The following PRDM11 variants were observed in gnomAD, a reference collection of about 807,000 sequenced individuals.
The protein encoded by PRDM11 is PR/SET domain 11, also known as PR domain-containing protein 11.
Under a neutral mutation model 97.8 loss-of-function variants are expected in PRDM11, and 20 were observed. The observed-to-expected ratio is 0.20, with a 90% CI of 0.14 to 0.30. The LOEUF is 0.30. Ranked by LOEUF, PRDM11 falls within the 10% of genes least tolerant of loss-of-function variation. The pLI, the probability that PRDM11 is intolerant of heterozygous loss-of-function variation, is 1.00. For missense variants in PRDM11, 1,139 were observed against 1,555.2 expected, an observed-to-expected ratio of 0.73 and a Z score of 4.50; for synonymous variants, 599 against 637.7, an observed-to-expected ratio of 0.94 and a Z score of 0.91.
intron 6 of PRDM11, among the ~76,000 whole-genome samples, chr11:45,223,145 A>G (rs918279379): frequency 6.6e-6 from 1 of 152,154 alleles, no homozygotes; most frequent in African/African-American, 2.4e-5. Flanking sequence ...GCGAAACCCT[A>G]TCTCCACAAA....
intron 4 of PRDM11, among the ~76,000 whole-genome samples, chr11:45,201,091 T>G (rs1243635449): frequency 6.6e-6 from 1 of 152,150 alleles, no homozygotes; most frequent in African/African-American, 2.4e-5. Flanking sequence ...TCACTGAATG[T>G]GCAATTGGGA....
chr11:45,225,882 G>C (rs1198624103), intron 7 of PRDM11, 113 bp from the exon 8 acceptor site: 2 of 1,311,706 alleles, frequency 1.5e-6, no homozygotes, highest in African/African-American at 1.5e-5. Context: ...GGCTTCCACG[G>C]ACTTCTGTTT....
At chr11:45,174,567 A>C (rs1008122610) in intron 1 of PRDM11, among the ~76,000 whole-genome samples, 38 of 152,316 alleles carry the variant, frequency 2.5e-4, no homozygotes, top group African/African-American at 7.9e-4. Flanking sequence ...TCGTTCATCA[A>C]ATATGCATCA....
At chr11:45,181,985 C>A in intron 2 of PRDM11, 100 bp downstream of exon 2, 1 of 1,112,936 alleles carries the variant, frequency 9.0e-7, no homozygotes, top group Non-Finnish European at 1.3e-6. Context: ...ACTCCTTGCC[C>A]ACCTTCCCTA....
chr11:45,189,200 C>T (rs988025326), intron 4 of PRDM11, among the ~76,000 whole-genome samples: 2 of 152,178 alleles, frequency 1.3e-5, no homozygotes, highest in African/African-American at 2.4e-5. Flanking sequence ...CACACCCGGC[C>T]GCGAGCACAG....
intron 1 of PRDM11, among the ~76,000 whole-genome samples, chr11:45,149,388 G>A (rs755232100): frequency 7.9e-5 from 12 of 152,168 alleles, no homozygotes; most frequent in Non-Finnish European, 1.5e-4. Flanking sequence ...TCCATACCCC[G>A]ATCTCTCCTA....
chr11:45,226,018 C>G lies in PRDM11; in HGVS notation c.1393C>G (p.Pro465Ala). The change falls in exon 8 of 8, where the codon CCC becomes GCC. Residue 465 changes from proline (P) to alanine (A), a missense_variant. Pro to Ala is a conservative substitution (Grantham distance 27). Around this residue, in one of 2 missense-constraint regions of PRDM11, gnomAD observed 710 missense variants for 1,044.9 expected, o/e 0.68. Transcript: ENST00000683152. ...PAASESMVSG[P>A]AIMEDDDQEV... Reference sequence around the variant, plus strand: ...AGCCTCAGAAAGCATGGTCTCCGGCCCCGCCATCATGGAGGATGATGACCA... The same window carrying G: ...AGCCTCAGAAAGCATGGTCTCCGGCGCCGCCATCATGGAGGATGATGACCA... The G allele has an allele frequency of 2.7e-6, 4 of 1,507,352 alleles. No homozygotes were observed. The highest frequency in any genetic ancestry group is 3.6e-6 in the Non-Finnish European group (4 of 1,126,200). 93.4% of individuals were successfully genotyped at this position (1,507,352 alleles called of 1,614,324 possible).
intron 4 of PRDM11, among the ~76,000 whole-genome samples, chr11:45,189,389 TATA>T (rs72012479): frequency 0.099 from 15,140 of 152,210 alleles, 1,102 homozygotes; most frequent in Admixed American, 0.24. Flanking sequence ...AAATGCATAC[TATA>T]ATGACCTCTA....
At chr11:45,128,516 C>G (rs73464558) in intron 1 of PRDM11, among the ~76,000 whole-genome samples, 3 of 151,028 alleles carry the variant, frequency 2.0e-5, no homozygotes, top group Non-Finnish European at 4.4e-5. Flanking sequence ...CCCCTCCCCC[C>G]GCTGATATCA....
chr11:45,182,734 C>A, intron 3 of PRDM11, 127 bp from the exon 4 acceptor site: 1 of 1,192,694 alleles, frequency 8.4e-7, no homozygotes, highest in Non-Finnish European at 1.2e-6. Context: ...GTTATTGCTA[C>A]CGATGACCCT....
rs750114813 is a variant in PRDM11 at position 45,226,092 on chromosome 11, G to T, written c.1467G>T (p.Ala489=). 2.0e-6 allele frequency: 3 copies of T among 1,532,026 alleles called. No individual in the cohort carries two copies. In the East Asian group the frequency reaches 7.4e-5, roughly 38 times the overall value. 94.9% of individuals were successfully genotyped at this position (1,532,026 alleles called of 1,614,324 possible). The change falls in exon 8 of 8, where the codon GCG becomes GCT. Residue 489 remains alanine (A), a synonymous_variant. Transcript: ENST00000683152. The part of the protein sequence containing the change: ...DESVSNDMMT[A]TDEPSKMSSA... The stretch of plus-strand genomic sequence containing the variant: ...CTGTCTCCAATGATATGATGACAGC[G>T]ACGGATGAGCCCTCCAAGATGTCAT...
Position 45,139,568 on chromosome 11 carries a change from C to CAAAAA in PRDM11, c.97-42173_97-42169dup, listed in dbSNP as rs10594529. Among the ~76,000 whole-genome samples the CAAAAA allele has an allele frequency of 5.8e-4, 53 of 91,398 alleles. 1 individual carries two copies. Among genetic ancestry groups the CAAAAA allele is most frequent in the African/African-American group, 2.2e-3 (47 of 21,794 alleles). 60.0% of individuals were successfully genotyped at this position (91,398 alleles called of 152,430 possible). ...GGTGACAGGGCGAGACTCCAACTCA[C>CAAAAA]AAAAAAAAAAAAAAAAAAAAAAAAT... On this transcript the variant is annotated intron_variant, in intron 1 of 6. Coordinates refer to the PRDM11 transcript ENST00000530656.
intron 1 of PRDM11, among the ~76,000 whole-genome samples, chr11:45,172,020 G>A (rs1246079283): frequency 6.6e-6 from 1 of 152,166 alleles, no homozygotes; most frequent in Non-Finnish European, 1.5e-5. Context: ...AAGTCCCAGG[G>A]GACTTGTACC....
rs1399950278 is a variant in PRDM11 at position 45,182,294 on chromosome 11, G to A, written c.168G>A (p.Leu56=). The A allele has an allele frequency of 1.9e-6, 3 of 1,614,094 alleles. No homozygotes were observed. Among genetic ancestry groups the A allele is most frequent in the Non-Finnish European group, 2.5e-6 (3 of 1,180,042 alleles). The part of the protein sequence containing the change: ...SSAMEVEPKK[L]KGKRDLIVPK... The stretch of plus-strand genomic sequence containing the variant: ...CCATGGAAGTTGAGCCCAAGAAACT[G>A]AAGGGGAAGCGCGACCTCATCGTGC... The change falls in exon 3 of 8, where the codon CTG becomes CTA. Residue 56 remains leucine (L), a synonymous_variant. Transcript: ENST00000683152.
intron 5 of PRDM11, chr11:45,212,590 A>C (rs1479065714): frequency 2.2e-6 from 1 of 456,204 alleles, no homozygotes; most frequent in Non-Finnish European, 4.4e-6. Context: ...CCTCCTCCTC[A>C]GACCAGTCTG....
intron 5 of PRDM11, among the ~76,000 whole-genome samples, chr11:45,216,472 T>C (rs1026716983): frequency 9.2e-5 from 14 of 151,928 alleles, no homozygotes; most frequent in Non-Finnish European, 1.5e-5. Context: ...GACAGAAGGG[T>C]TCTGGGGGGT....
Position 45,227,984 on chromosome 11 carries a change from A to G in PRDM11, c.3359A>G (p.Asn1120Ser). The change falls in exon 8 of 8, where the codon AAC (asparagine) becomes AGC (serine). Residue 1120 changes from asparagine (N) to serine (S), a missense_variant. By Grantham distance (46) the Asn-to-Ser change is conservative. This residue lies in a region of PRDM11 where 710 missense variants were observed against 1,044.9 expected (regional missense o/e 0.68). Transcript: ENST00000683152. The surrounding 1 kb of genome is among the most constrained non-coding windows in gnomAD (Gnocchi z 8.0). The part of the protein sequence containing the change: ...QLSDLLTIAV[N>S]GPPITNFDAK... ...AGCGACCTGTTGACAATCGCTGTAA[A>G]CGGACCGCCAATCACCAACTTTGAT... 1 of 1,533,780 alleles carries G rather than the reference A, an allele frequency of 6.5e-7. No individual in the cohort carries two copies. Among genetic ancestry groups the G allele is most frequent in the Non-Finnish European group, 8.7e-7 (1 of 1,146,718 alleles).
intron 1 of PRDM11, among the ~76,000 whole-genome samples, chr11:45,136,636 G>A (rs977455807): frequency 2.6e-5 from 4 of 152,198 alleles, no homozygotes; most frequent in East Asian, 3.8e-4. Context: ...TTAGAAGGCC[G>A]AGGTGAGGGC....
intron 5 of PRDM11, chr11:45,213,779 C>G (rs1230157716): frequency 2.2e-6 from 1 of 450,080 alleles, no homozygotes; most frequent in Non-Finnish European, 4.5e-6. Context: ...CTGTATAAGA[C>G]AAATGACACA....
Sources: allele counts gnomAD v4.1 joint callset (sites outside exome capture counted in the v4.1 genomes callset), GRCh38; gene constraint gnomAD v4.1.1; regional missense constraint gnomAD v4.1.1; non-coding constraint Gnocchi (gnomAD v3.1); transcripts MANE v1.5; gene names NCBI Gene and HGNC (gene_info 2026-07-23, HGNC 2026-07-21).